SLC9A7: variants seen among roughly 807,000 people sequenced by gnomAD.
SLC9A7 encodes the protein sodium/hydrogen exchanger 7.
SLC9A7 carries 19 observed loss-of-function variants against 52.6 expected under a neutral mutation model. That is an observed-to-expected ratio of 0.36 (90% CI 0.25 to 0.53). The LOEUF is 0.53. SLC9A7 is among the 20% of genes least tolerant of loss of function. SLC9A7 has a pLI of 0.91. For synonymous variants in SLC9A7, 226 were observed against 252.1 expected (o/e 0.90, Z 0.98); for missense variants, 455 against 597.9 (o/e 0.76, Z 2.49).
intron 1 of SLC9A7, among the ~76,000 whole-genome samples, chrX:46,701,596 CAAACAA>C (rs1351193640): frequency 9.1e-6 from 1 of 110,397 alleles, no homozygotes; most frequent in Non-Finnish European, 1.9e-5. Flanking sequence ...CAAAAACAAA[CAAACAA>C]AAACAAAAAG....
At chrX:46,616,499 AGAG>A (rs950989125) in intron 15 of SLC9A7, among the ~76,000 whole-genome samples, 1 of 111,995 alleles carries the variant, frequency 8.9e-6, no homozygotes, top group African/African-American at 3.2e-5. Context: ...GTCAGTCAGA[AGAG>A]AACCCTTGAG....
chrX:46,703,817 G>A (rs930976749), intron 1 of SLC9A7, among the ~76,000 whole-genome samples: 27 of 111,559 alleles, frequency 2.4e-4, no homozygotes, highest in African/African-American at 8.5e-4. Context: ...TACCTTTTGA[G>A]GGGAGATAAA....
chrX:46,738,031 AAAAG>A (rs58544637), intron 1 of SLC9A7, among the ~76,000 whole-genome samples: 2,954 of 70,263 alleles, frequency 0.042, 52 homozygotes, highest in East Asian at 0.1. Context: ...TGTCTCAAAA[AAAAG>A]AAAGAAAGAA....
At chrX:46,701,081 G>T (rs560807615) in intron 1 of SLC9A7, among the ~76,000 whole-genome samples, 1 of 111,227 alleles carries the variant, frequency 9.0e-6, no homozygotes, top group South Asian at 3.8e-4. Context: ...AACTGATGGG[G>T]CCAGATGGAA....
intron 1 of SLC9A7, among the ~76,000 whole-genome samples, chrX:46,697,606 C>T (rs944472627): frequency 3.6e-5 from 4 of 111,956 alleles, no homozygotes; most frequent in African/African-American, 1.3e-4. Context: ...TTTACTTTAA[C>T]CTCTTAATCC....
At chrX:46,660,250 C>G (rs1421280769) in intron 7 of SLC9A7, among the ~76,000 whole-genome samples, 1 of 110,660 alleles carries the variant, frequency 9.0e-6, no homozygotes, top group Non-Finnish European at 1.9e-5. Flanking sequence ...AATGTTAGAC[C>G]TAAAACCATA....
chrX:46,691,212 T>C (rs1417665686), intron 1 of SLC9A7, among the ~76,000 whole-genome samples: 3 of 112,376 alleles, frequency 2.7e-5, no homozygotes, highest in Non-Finnish European at 5.6e-5. Flanking sequence ...TCTCACACAG[T>C]CATTCCAGAA....
intron 1 of SLC9A7, among the ~76,000 whole-genome samples, chrX:46,746,200 G>C (rs1053394501): frequency 9.1e-6 from 1 of 110,132 alleles, no homozygotes; most frequent in Non-Finnish European, 1.9e-5. Flanking sequence ...GTGGTGGTGG[G>C]CACCTGTAAT....
intron 12 of SLC9A7, among the ~76,000 whole-genome samples, chrX:46,640,328 T>C (rs1943387138): frequency 8.9e-6 from 1 of 112,355 alleles, no homozygotes; most frequent in South Asian, 3.6e-4. Context: ...TTTAACATAT[T>C]ATGCTAGAAC....
At chrX:46,663,848 A>C (rs1470466186) in intron 5 of SLC9A7, among the ~76,000 whole-genome samples, 1 of 108,908 alleles carries the variant, frequency 9.2e-6, no homozygotes, top group Non-Finnish European at 1.9e-5. Context: ...AATCCCAGCT[A>C]CTCCAGAGGC....
At chrX:46,642,566 G>T (rs1333685665) in intron 12 of SLC9A7, among the ~76,000 whole-genome samples, 1 of 111,952 alleles carries the variant, frequency 8.9e-6, no homozygotes, top group Middle Eastern at 4.2e-3. Context: ...TTGGGCTGTG[G>T]GTCTCTTGAA....
Position 46,601,765 on chromosome X carries a change from A to C in SLC9A7, c.*5187T>G, listed in dbSNP as rs1487179035. The C allele has an allele frequency of 3.6e-5, 4 of 112,555 alleles. No homozygotes were observed. The highest frequency in any genetic ancestry group is 5.6e-5 in the Non-Finnish European group (3 of 53,312). The allele number at this position is 112,555 out of a possible 1,213,427, so 9.3% of individuals were successfully genotyped here. ...TCCAAATTTTCTTCCCTAGGAGAGA[A>C]AGTTCAGGTTTCTGGTAGTTCTCAA... is the stretch of plus-strand genomic sequence containing the variant. On this transcript the variant is annotated 3_prime_UTR_variant, in exon 17 of 17. Transcript: ENST00000616978.
chrX:46,680,477 G>A (rs1014279293), intron 2 of SLC9A7, among the ~76,000 whole-genome samples: 6 of 111,338 alleles, frequency 5.4e-5, no homozygotes, highest in South Asian at 3.8e-4. Flanking sequence ...ACAAAATTGT[G>A]CTGAATTTAA....
intron 10 of SLC9A7, among the ~76,000 whole-genome samples, chrX:46,650,587 A>T (rs1332204104): frequency 9.0e-6 from 1 of 111,237 alleles, no homozygotes; most frequent in East Asian, 2.8e-4. Flanking sequence ...CCTGCAGGCA[A>T]CCCTGGGCAG....
chrX:46,670,491 A>ATGTGTGTGTGTGTGTC (rs1569514592), intron 4 of SLC9A7, among the ~76,000 whole-genome samples: 1 of 110,527 alleles, frequency 9.0e-6, no homozygotes, highest in African/African-American at 3.3e-5. Context: ...CTGTGCGTGC[A>ATGTGTGTGTGTGTGTC]TGTGTGTGTG....
chrX:46,648,758 G>T lies in SLC9A7; in HGVS notation c.1390C>A (p.Leu464Ile). 1 of 1,211,423 alleles carries T rather than the reference G, an allele frequency of 8.3e-7. No homozygotes were observed. Among genetic ancestry groups the T allele is most frequent in the Non-Finnish European group, 1.1e-6 (1 of 895,256 alleles). Reference protein sequence around the residue: ...FLGRAAHIYPLSFFLNLGRRH... With the variant: ...FLGRAAHIYPISFFLNLGRRH... ...CTGCCCAAGTTGAGGAAGAAGGAGA[G>T]CGGGTAGATGTGCGCGGCTCTGCCC... The change falls in exon 11 of 17, where the codon CTC becomes ATC. Residue 464 changes from leucine (L) to isoleucine (I), a missense_variant. By Grantham distance (5) the Leu-to-Ile change is conservative. Transcript: ENST00000616978.
At chrX:46,643,086 T>A (rs1943431022) in intron 12 of SLC9A7, 150 bp downstream of exon 12, 3 of 482,227 alleles carry the variant, frequency 6.2e-6, no homozygotes, top group Non-Finnish European at 6.6e-6. Context: ...CTTATTGTTT[T>A]AAAAAAAATT....
intron 1 of SLC9A7, among the ~76,000 whole-genome samples, chrX:46,755,151 C>G (rs1450407343): frequency 8.9e-6 from 1 of 112,093 alleles, no homozygotes; most frequent in Non-Finnish European, 1.9e-5. Context: ...TGGGGGAGTT[C>G]CTTTCTGTTT....
At position 46,718,394 on chromosome X, in the gene SLC9A7, C is replaced by T. The variant is rs374058608; in HGVS notation, c.326-35859G>A. 1.2e-3 allele frequency among the ~76,000 whole-genome samples: 130 copies of T among 112,035 alleles called. 1 individual carries two copies. The South Asian group carries it at 0.046, about 39-fold the overall frequency. Reference sequence around the variant, plus strand: ...TTCAGGACACAGGCCTGGGCAAGGACTTCATGTCTAAAACACCAAAAGCAA... The same window carrying T: ...TTCAGGACACAGGCCTGGGCAAGGATTTCATGTCTAAAACACCAAAAGCAA... On this transcript the variant is annotated intron_variant, in intron 1 of 16. Coordinates refer to ENST00000616978, the MANE Select transcript of SLC9A7 (RefSeq NM_001257291.2).
Sources: gnomAD v4.1 joint callset for allele counts (sites outside exome capture counted in the v4.1 genomes callset) on GRCh38, gnomAD v4.1.1 for gene constraint, MANE v1.5 for transcripts, NCBI Gene and HGNC (gene_info 2026-07-23, HGNC 2026-07-21) for gene names.